The following SVEP1 variants were observed in gnomAD, a reference collection of about 807,000 sequenced individuals.
SVEP1 encodes sushi, von Willebrand factor type A, EGF and pentraxin domain containing 1.
In SVEP1, 164 loss-of-function variants were observed where a neutral mutation model predicts 367.3. The ratio of observed to expected loss-of-function variants is 0.45; its 90% confidence interval spans 0.39 to 0.51. The LOEUF (loss-of-function observed/expected upper bound fraction) is 0.51, where lower values mean the gene tolerates loss of function less well. Among genes scored for constraint, SVEP1 ranks in the 20% least tolerant of loss-of-function variants. SVEP1 has a pLI of 0.00. For synonymous variants in SVEP1, 1,666 were observed against 1,611.6 expected (o/e 1.03, Z -0.81); for missense variants, 4,117 against 4,425.3 (o/e 0.93, Z 1.98).
At chr9:110,569,456 CAA>C (rs11368565) in intron 1 of SVEP1, among the ~76,000 whole-genome samples, 6 of 116,894 alleles carry the variant, frequency 5.1e-5, no homozygotes, top group Admixed American at 8.9e-5. Flanking sequence ...AACTCAGTCT[CAA>C]AAAAAAAAAA....
chr9:110,554,514 G>A (rs548749343), intron 1 of SVEP1, among the ~76,000 whole-genome samples: 77 of 152,214 alleles, frequency 5.1e-4, no homozygotes, highest in African/African-American at 1.8e-3. Context: ...TCTATGGCAT[G>A]GAATGTTCAA....
intron 43 of SVEP1, among the ~76,000 whole-genome samples, chr9:110,383,534 G>A (rs1390376049): frequency 3.4e-5 from 2 of 59,582 alleles, no homozygotes; most frequent in South Asian, 4.7e-4. Flanking sequence ...GTTGTGGGGG[G>A]GTCTCATCCG....
chr9:110,496,550 C>G (rs1156611578), intron 8 of SVEP1, among the ~76,000 whole-genome samples: 1 of 152,192 alleles, frequency 6.6e-6, no homozygotes, highest in Non-Finnish European at 1.5e-5. Flanking sequence ...TCGGCTTCCC[C>G]ACTTCTGAGG....
Position 110,385,885 on chromosome 9 carries a change from C to T in SVEP1, c.10237+13G>A. The T allele has an allele frequency of 6.2e-7, 1 of 1,609,722 alleles. No homozygotes were observed. The highest frequency in any genetic ancestry group is 8.5e-7 in the Non-Finnish European group (1 of 1,177,992). On this transcript the variant is annotated intron_variant, in intron 43 of 47. Transcript: ENST00000374469. Reference sequence around the variant, plus strand: ...CACTAGCGGCATGAACTGGCTTCCGCCTGCTGACTTACTTTCACATTTGGC... The same window carrying T: ...CACTAGCGGCATGAACTGGCTTCCGTCTGCTGACTTACTTTCACATTTGGC...
At chr9:110,476,399 G>A (rs139053857) in intron 13 of SVEP1, 84 bp from the exon 14 acceptor site, 38 of 990,862 alleles carry the variant, frequency 3.8e-5, no homozygotes, top group Middle Eastern at 2.1e-4. Context: ...TGGCCTTCAC[G>A]TCTCCATCAG....
chr9:110,399,058 C>T (rs1034009304), intron 40 of SVEP1, among the ~76,000 whole-genome samples: 2 of 152,188 alleles, frequency 1.3e-5, no homozygotes, highest in Admixed American at 6.5e-5. Flanking sequence ...ATGTTTATTG[C>T]GGCACTATTC....
At chr9:110,451,216 T>C in intron 23 of SVEP1, 73 bp downstream of exon 23, 4 of 1,179,320 alleles carry the variant, frequency 3.4e-6, no homozygotes, top group Non-Finnish European at 4.9e-6. Flanking sequence ...TTAATATATA[T>C]GTTAAGAAAT....
chr9:110,541,795 CTATATATATCTATATACAT>C, intron 3 of SVEP1, among the ~76,000 whole-genome samples: 3 of 142,026 alleles, frequency 2.1e-5, no homozygotes, highest in African/African-American at 7.7e-5. Flanking sequence ...ACATAGATAT[CTATATATATCTATATACAT>C]AGATATCTAT....
intron 3 of SVEP1, among the ~76,000 whole-genome samples, chr9:110,534,352 A>G (rs1239130953): frequency 6.6e-6 from 1 of 152,216 alleles, no homozygotes; most frequent in African/African-American, 2.4e-5. Flanking sequence ...TGCAAAGGAC[A>G]TGATCTCATT....
intron 2 of SVEP1, among the ~76,000 whole-genome samples, chr9:110,549,483 T>C (rs1830256960): frequency 6.6e-6 from 1 of 152,174 alleles, no homozygotes; most frequent in Non-Finnish European, 1.5e-5. Context: ...TGAGCATGTC[T>C]CTGAATGTTT....
intron 37 of SVEP1, among the ~76,000 whole-genome samples, chr9:110,409,821 C>T (rs899757355): frequency 6.6e-6 from 1 of 152,046 alleles, no homozygotes; most frequent in Non-Finnish European, 1.5e-5. Context: ...TCTCAAAATT[C>T]AAACACATGT....
At chr9:110,481,144 C>A (rs1829180296) in intron 12 of SVEP1, 98 bp downstream of exon 12, 1 of 897,802 alleles carries the variant, frequency 1.1e-6, no homozygotes, top group Non-Finnish European at 1.5e-6. Context: ...CACCATTTTC[C>A]ATTAATTCCT....
At chr9:110,376,326 G>C (rs1000833480) in intron 45 of SVEP1, among the ~76,000 whole-genome samples, 2 of 152,198 alleles carry the variant, frequency 1.3e-5, no homozygotes, top group African/African-American at 4.8e-5. Context: ...CAAAGTCAAT[G>C]CTTACTAAGT....
chr9:110,523,784 C>A (rs980181570), intron 3 of SVEP1, among the ~76,000 whole-genome samples: 2 of 151,270 alleles, frequency 1.3e-5, no homozygotes, highest in South Asian at 4.2e-4. Context: ...TAAGTTCCCA[C>A]CTGAAGAAGC....
chr9:110,392,828 A>G (rs1281234095), intron 40 of SVEP1, among the ~76,000 whole-genome samples: 2 of 152,202 alleles, frequency 1.3e-5, no homozygotes, highest in Non-Finnish European at 2.9e-5. Context: ...TTAATGCTAA[A>G]ATGGTCTCAT....
In SVEP1 at chr9:110,375,465, TAA is replaced by T. The variant is rs71373993; in HGVS notation, c.10505-4_10505-3del. ...TCAGACAGGGAAGAATGCAGATTGC[TAA>T]AAAAAAAAAAAAAAAAAAAAAAAGG... On this transcript the variant is annotated splice_region_variant and splice_polypyrimidine_tract_variant and intron_variant, in intron 45 of 47. Coordinates refer to ENST00000374469, the MANE Select transcript of SVEP1 (RefSeq NM_153366.4). 0.12 allele frequency: 63,401 copies of T among 540,172 alleles called. 820 individuals are homozygous for T. The highest frequency in any genetic ancestry group is 0.24 in the East Asian group (5,989 of 25,064). 33.5% of individuals were successfully genotyped at this position (540,172 alleles called of 1,614,324 possible).
intron 22 of SVEP1, among the ~76,000 whole-genome samples, chr9:110,455,294 G>A (rs972980168): frequency 5.3e-5 from 8 of 152,204 alleles, no homozygotes; most frequent in Admixed American, 5.2e-4. Flanking sequence ...AACAGGTTCA[G>A]TGAAGTTAAA....
At chr9:110,572,009 TTTGGC>T (rs1830568994) in intron 1 of SVEP1, among the ~76,000 whole-genome samples, 1 of 152,342 alleles carries the variant, frequency 6.6e-6, no homozygotes, top group East Asian at 1.9e-4. Flanking sequence ...GGTTACACTG[TTTGGC>T]TTTACATCTT....
chr9:110,386,389 C>T (rs1827523152), intron 42 of SVEP1, among the ~76,000 whole-genome samples: 1 of 152,150 alleles, frequency 6.6e-6, no homozygotes, highest in South Asian at 2.1e-4. Flanking sequence ...TTTTGATCAG[C>T]ATTGTGAAAA....
Sources: allele counts gnomAD v4.1 joint callset (sites outside exome capture counted in the v4.1 genomes callset), GRCh38; gene constraint gnomAD v4.1.1; transcripts MANE v1.5; gene names NCBI Gene and HGNC (gene_info 2026-07-23, HGNC 2026-07-21).